RALGDS: variants seen among roughly 807,000 people sequenced by gnomAD.
RALGDS encodes the protein ral guanine nucleotide dissociation stimulator, also known as ral guanine nucleotide exchange factor.
A neutral mutation model predicts 99.8 loss-of-function variants in RALGDS; 44 were observed. The observed-to-expected ratio is 0.44, with a 90% confidence interval of 0.35 to 0.57. RALGDS has a LOEUF of 0.57. Ranked by LOEUF, RALGDS falls within the 20% of genes least tolerant of loss-of-function variation. The pLI is 0.01. For synonymous variants in RALGDS, 529 were observed against 505.0 expected, an observed-to-expected ratio of 1.05 and a Z score of -0.64; for missense variants, 1,022 against 1,203.1, an observed-to-expected ratio of 0.85 and a Z score of 2.23.
At chr9:133,105,072 T>C (rs1203643824) in intron 9 of RALGDS, among the ~76,000 whole-genome samples, 1 of 152,194 alleles carries the variant, frequency 6.6e-6, no homozygotes, top group African/African-American at 2.4e-5. Flanking sequence ...GTTTGGTCAC[T>C]GATCAGGGTA....
At position 133,114,248 on chromosome 9, in the gene RALGDS, G is replaced by A. The variant is rs369762917; in HGVS notation, c.184-2096C>T. Among the ~76,000 whole-genome samples the A allele has an allele frequency of 1.8e-4, 27 of 152,336 alleles. 1 individual carries two copies. The East Asian group carries it at 3.7e-3, about 21-fold the overall frequency. Reference sequence around the variant, plus strand: ...TGCCACCCTGTCACACAGTCGGGGAGACGCTCTAGCCCGCGTGGAGCTGGC... The same window carrying A: ...TGCCACCCTGTCACACAGTCGGGGAAACGCTCTAGCCCGCGTGGAGCTGGC... On this transcript the variant is annotated intron_variant, in intron 1 of 17. Transcript: ENST00000372050.
At chr9:133,132,622 A>G (rs927117919), upstream of RALGDS, among the ~76,000 whole-genome samples, 1 of 151,062 alleles carries the variant, frequency 6.6e-6, no homozygotes, top group African/African-American at 2.4e-5. Flanking sequence ...CCTGGAAAGA[A>G]GCGCTCAACT....
chr9:133,098,996 C>T (rs1830622210), intron 17 of RALGDS: 2 of 529,198 alleles, frequency 3.8e-6, no homozygotes, highest in Non-Finnish European at 6.8e-6. Context: ...ACTCCAGAAC[C>T]CCCCGGCTTG....
At position 133,136,824 on chromosome 9, in the gene RALGDS, C is replaced by T. The variant is rs189914631; in HGVS notation, c.18+12139G>A. On this transcript the variant is annotated intron_variant, in intron 1 of 17. Coordinates refer to the RALGDS transcript ENST00000393160. The stretch of plus-strand genomic sequence containing the variant: ...TGGTGGTGCGTGCCTGTAATCCCAG[C>T]TACTCAGGAGGCTGAGGCAGGAGAC... Among the ~76,000 whole-genome samples the T allele has an allele frequency of 2.0e-5, 3 of 152,270 alleles. No individual in the cohort carries two copies. In the East Asian group the frequency reaches 5.8e-4, roughly 29 times the overall value.
At chr9:133,130,916 G>A (rs1481587598) in intron 1 of RALGDS, 15 of 1,509,052 alleles carry the variant, frequency 9.9e-6, no homozygotes, top group East Asian at 2.5e-5. Flanking sequence ...ATGCCAGGGC[G>A]AAGTCAGAGG....
chr9:133,138,225 A>G (rs945433105), intron 1 of RALGDS, among the ~76,000 whole-genome samples: 3 of 152,188 alleles, frequency 2.0e-5, no homozygotes, highest in Non-Finnish European at 4.4e-5. Context: ...TTTGCCTGCA[A>G]GAAGTTCCCC....
intron 1 of RALGDS, among the ~76,000 whole-genome samples, chr9:133,130,695 C>T (rs1832309680): frequency 1.3e-5 from 2 of 152,158 alleles, no homozygotes; most frequent in Non-Finnish European, 2.9e-5. Flanking sequence ...CTGTTTTTCT[C>T]ATTTTGCTGC....
intron 1 of RALGDS, among the ~76,000 whole-genome samples, chr9:133,148,029 C>T (rs1832654114): frequency 6.6e-6 from 1 of 152,186 alleles, no homozygotes; most frequent in Non-Finnish European, 1.5e-5. Context: ...ACGCTCTGCA[C>T]CACCCCAGGC....
chr9:133,138,788 C>G (rs1434548253), intron 1 of RALGDS, among the ~76,000 whole-genome samples: 1 of 152,186 alleles, frequency 6.6e-6, no homozygotes, highest in Non-Finnish European at 1.5e-5. Flanking sequence ...GTGTGCACCA[C>G]CACGCCCGGC....
chr9:133,148,033 C>G (rs1832654225), intron 1 of RALGDS, among the ~76,000 whole-genome samples: 1 of 152,162 alleles, frequency 6.6e-6, no homozygotes, highest in South Asian at 2.1e-4. Flanking sequence ...TCTGCACCAC[C>G]CCAGGCCCTC....
At chr9:133,130,639 AACCACCACC>A (rs200447257) in intron 1 of RALGDS, among the ~76,000 whole-genome samples, 3 of 152,136 alleles carry the variant, frequency 2.0e-5, no homozygotes, top group African/African-American at 7.2e-5. Flanking sequence ...AGTTGTAAAC[AACCACCACC>A]ACCACCACAA....
chr9:133,140,466 A>G (rs1832500447), intron 1 of RALGDS, among the ~76,000 whole-genome samples: 1 of 150,662 alleles, frequency 6.6e-6, no homozygotes, highest in African/African-American at 2.4e-5. Flanking sequence ...GGCACACCTG[A>G]CCTCTCGGGT....
At chr9:133,125,918 G>T (rs1411913302), upstream of RALGDS, among the ~76,000 whole-genome samples, 1 of 152,108 alleles carries the variant, frequency 6.6e-6, no homozygotes, top group Non-Finnish European at 1.5e-5. Context: ...CTACAAAAGG[G>T]GTTGGGGGCT....
chr9:133,117,500 G>C (rs1468315291), intron 1 of RALGDS, among the ~76,000 whole-genome samples: 1 of 152,194 alleles, frequency 6.6e-6, no homozygotes, highest in African/African-American at 2.4e-5. Context: ...GTCCTGCCCC[G>C]CCCGCCAAGC....
intron 9 of RALGDS, chr9:133,104,641 A>G (rs1289238152): frequency 8.4e-6 from 3 of 358,868 alleles, no homozygotes; most frequent in Non-Finnish European, 1.6e-5. Context: ...GTGAAACCCC[A>G]TCTCTACTAA....
chr9:133,135,018 T>G (rs1423732021), upstream of RALGDS, among the ~76,000 whole-genome samples: 1 of 151,996 alleles, frequency 6.6e-6, no homozygotes, highest in Non-Finnish European at 1.5e-5. Flanking sequence ...GAGTCAAAGG[T>G]GATTTTATCC....
intron 1 of RALGDS, among the ~76,000 whole-genome samples, chr9:133,116,994 C>T (rs1831640775): frequency 6.6e-6 from 1 of 152,248 alleles, no homozygotes; most frequent in Non-Finnish European, 1.5e-5. Flanking sequence ...GGCCAGCTTT[C>T]TAGCACCTGC....
At chr9:133,113,926 G>A (rs1419843943) in intron 1 of RALGDS, among the ~76,000 whole-genome samples, 2 of 152,234 alleles carry the variant, frequency 1.3e-5, no homozygotes, top group African/African-American at 2.4e-5. Context: ...CCCTGGGGGA[G>A]CCCAGCACAG....
chr9:133,112,142 T>C lies in RALGDS; in HGVS notation c.194A>G (p.Gln65Arg), dbSNP rs748089341. 1 of 1,562,728 alleles carries C rather than the reference T, an allele frequency of 6.4e-7. No homozygotes were observed. Among genetic ancestry groups the C allele is most frequent in the Non-Finnish European group, 8.7e-7 (1 of 1,152,782 alleles). The change falls in exon 2 of 18, where the codon CAG (glutamine) becomes CGG (arginine). Residue 65 changes from glutamine (Q) to arginine (R), a missense_variant. Gln to Arg is a conservative substitution (Grantham distance 43). Transcript: ENST00000372050. Reference sequence around the variant, plus strand: ...GTTGATCAGCTCCTCACCGATCTCCTGCGTGGAGCTCTGTGAAGACAACGC... The same window carrying C: ...GTTGATCAGCTCCTCACCGATCTCCCGCGTGGAGCTCTGTGAAGACAACGC... ...PDLPRPESST[Q>R]EIGEELINGV... is the part of the protein sequence containing the mutation.
Sources: allele counts gnomAD v4.1 joint callset (sites outside exome capture counted in the v4.1 genomes callset), GRCh38; gene constraint gnomAD v4.1.1; transcripts MANE v1.5; gene names NCBI Gene and HGNC (gene_info 2026-07-23, HGNC 2026-07-21).